The following RSU1 variants were observed in gnomAD, a reference collection of about 807,000 sequenced individuals.
The protein encoded by RSU1 is rsu-1.
In RSU1, 26 loss-of-function variants were observed where a neutral mutation model predicts 31.1. The observed-to-expected ratio is 0.84, with a 90% CI of 0.61 to 1.16. The LOEUF is 1.16. Ranked by LOEUF, RSU1 falls within the 50% of genes most tolerant of loss-of-function variation. RSU1 has a pLI of 0.00. For missense variants in RSU1, 320 were observed against 339.1 expected, an observed-to-expected ratio of 0.94 and a Z score of 0.44; for synonymous variants, 164 against 136.3, an observed-to-expected ratio of 1.20 and a Z score of -1.41.
intron 7 of RSU1, among the ~76,000 whole-genome samples, chr10:16,731,154 C>A (rs965985160): frequency 1.9e-4 from 29 of 152,222 alleles, no homozygotes; most frequent in African/African-American, 7.0e-4. Flanking sequence ...TAAGTATTCT[C>A]GTGTCATTTT....
intron 2 of RSU1, among the ~76,000 whole-genome samples, chr10:16,792,762 T>A (rs2131662853): frequency 6.6e-6 from 1 of 152,314 alleles, no homozygotes; most frequent in Non-Finnish European, 1.5e-5. Flanking sequence ...ATTAACTGGA[T>A]CTTAACATAC....
intron 8 of RSU1, among the ~76,000 whole-genome samples, chr10:16,640,141 A>G (rs979590536): frequency 8.5e-5 from 13 of 152,066 alleles, no homozygotes; most frequent in African/African-American, 3.1e-4. Context: ...GGAAAAGGAG[A>G]AAGAAGGAAG....
At chr10:16,736,814 A>C (rs1417278013) in intron 7 of RSU1, among the ~76,000 whole-genome samples, 2 of 152,158 alleles carry the variant, frequency 1.3e-5, no homozygotes, top group Non-Finnish European at 2.9e-5. Context: ...GAACATAATA[A>C]GGAAATAAAT....
At chr10:16,638,755 A>T (rs1834390797) in intron 8 of RSU1, among the ~76,000 whole-genome samples, 1 of 152,162 alleles carries the variant, frequency 6.6e-6, no homozygotes, top group African/African-American at 2.4e-5. Flanking sequence ...GCCTGGCGGG[A>T]ATGGTGGGGT....
chr10:16,764,205 T>C (rs1282130737), intron 4 of RSU1, among the ~76,000 whole-genome samples, 185 bp downstream of exon 4: 4 of 152,120 alleles, frequency 2.6e-5, no homozygotes, highest in Non-Finnish European at 4.4e-5. Context: ...CTCTCAAATA[T>C]GCACTAATGT....
At chr10:16,670,925 C>T (rs945103243) in intron 8 of RSU1, among the ~76,000 whole-genome samples, 11 of 151,936 alleles carry the variant, frequency 7.2e-5, no homozygotes, top group South Asian at 2.1e-4. Context: ...CCACCACGCC[C>T]GGCTAATTTT....
chr10:16,778,349 A>T (rs1249810956), intron 3 of RSU1, among the ~76,000 whole-genome samples: 1 of 151,976 alleles, frequency 6.6e-6, no homozygotes, highest in Non-Finnish European at 1.5e-5. Context: ...TCTGATCCCA[A>T]TGTTCCCCAC....
intron 8 of RSU1, among the ~76,000 whole-genome samples, chr10:16,634,292 T>G (rs1834309406): frequency 6.6e-6 from 1 of 152,196 alleles, no homozygotes; most frequent in Admixed American, 6.5e-5. Context: ...GACAAAACAC[T>G]TGCCCAGCAG....
chr10:16,680,598 G>A (rs1248048976), intron 8 of RSU1, among the ~76,000 whole-genome samples: 3 of 152,074 alleles, frequency 2.0e-5, no homozygotes, highest in Non-Finnish European at 2.9e-5. Context: ...CGTGGCAAAA[G>A]CAGGAGCAAG....
intron 2 of RSU1, among the ~76,000 whole-genome samples, chr10:16,792,522 C>G (rs552933312): frequency 2.0e-5 from 3 of 152,214 alleles, no homozygotes; most frequent in Non-Finnish European, 1.5e-5. Flanking sequence ...TGAGCCACTG[C>G]GCCCGGCCAG....
intron 8 of RSU1, among the ~76,000 whole-genome samples, chr10:16,681,266 G>C (rs1835323756): frequency 6.6e-6 from 1 of 152,254 alleles, no homozygotes; most frequent in Admixed American, 6.5e-5. Flanking sequence ...TGATTTATCT[G>C]ATAATAAATT....
intron 7 of RSU1, among the ~76,000 whole-genome samples, chr10:16,742,433 C>T (rs574564791): frequency 6.6e-6 from 1 of 152,258 alleles, no homozygotes; most frequent in South Asian, 2.1e-4. Context: ...CTCACACTCA[C>T]ACACGCATGC....
At chr10:16,741,527 C>T (rs1836751275) in intron 7 of RSU1, among the ~76,000 whole-genome samples, 1 of 151,944 alleles carries the variant, frequency 6.6e-6, no homozygotes. Context: ...GTATGAGCTG[C>T]AAAAATATTC....
At chr10:16,712,129 C>A (rs937222295) in intron 7 of RSU1, among the ~76,000 whole-genome samples, 10 of 152,062 alleles carry the variant, frequency 6.6e-5, no homozygotes, top group African/African-American at 2.2e-4. Context: ...TCTGTCTTAT[C>A]TGATACAATT....
intron 7 of RSU1, among the ~76,000 whole-genome samples, chr10:16,734,096 G>C (rs932789995): frequency 2.0e-5 from 3 of 152,322 alleles, no homozygotes; most frequent in African/African-American, 7.2e-5. Context: ...CAGATTTAGT[G>C]TTTCATTGGC....
intron 3 of RSU1, among the ~76,000 whole-genome samples, chr10:16,768,533 C>T (rs370543949): frequency 1.3e-5 from 2 of 152,278 alleles, no homozygotes; most frequent in Admixed American, 6.5e-5. Context: ...TGTCCCATTT[C>T]GCTCTAGCCA....
chr10:16,757,680 T>C (rs1157893403), intron 4 of RSU1, among the ~76,000 whole-genome samples: 2 of 152,184 alleles, frequency 1.3e-5, no homozygotes, highest in Non-Finnish European at 2.9e-5. Context: ...AAGTGACTGA[T>C]GAAGGCGACA....
chr10:16,640,800 C>G (rs564103928), intron 8 of RSU1, among the ~76,000 whole-genome samples: 2 of 152,350 alleles, frequency 1.3e-5, no homozygotes, highest in East Asian at 3.9e-4. Flanking sequence ...ATAGCACAGC[C>G]TGATTCACCA....
chr10:16,730,115 G>C (rs954159132), intron 7 of RSU1, among the ~76,000 whole-genome samples: 5 of 152,146 alleles, frequency 3.3e-5, no homozygotes, highest in Non-Finnish European at 7.4e-5. Flanking sequence ...CGAGAGGATG[G>C]AGGGCAAGAC....
Sources: allele counts gnomAD v4.1 joint callset (sites outside exome capture counted in the v4.1 genomes callset), GRCh38; gene constraint gnomAD v4.1.1; transcripts MANE v1.5; gene names NCBI Gene and HGNC (gene_info 2026-07-23, HGNC 2026-07-21).